DIS3L2: variants seen among roughly 807,000 people sequenced by gnomAD.
The protein encoded by DIS3L2 is DIS3 like 3'-5' exoribonuclease 2, also known as DIS3-like exonuclease 2.
A neutral mutation model predicts 97.5 loss-of-function variants in DIS3L2; 34 were observed. The observed-to-expected ratio is 0.35, with a 90% CI of 0.27 to 0.46. DIS3L2 has a LOEUF of 0.46. DIS3L2 is among the 20% of genes least tolerant of loss of function. The probability of loss-of-function intolerance (pLI) is 1.00; values close to 1 mark genes in which losing one functional copy is unlikely to be tolerated. For synonymous variants in DIS3L2, 435 were observed against 445.2 expected (o/e 0.98, Z 0.29); for missense variants, 1,038 against 1,146.0 (o/e 0.91, Z 1.36).
At chr2:232,340,083 A>G (rs1339682702), downstream of DIS3L2, among the ~76,000 whole-genome samples, 1 of 152,200 alleles carries the variant, frequency 6.6e-6, no homozygotes, top group East Asian at 1.9e-4. Flanking sequence ...CTATAGGCGG[A>G]GAGTGCAGAG....
intron 10 of DIS3L2, among the ~76,000 whole-genome samples, chr2:232,224,402 G>C (rs948366187): frequency 2.6e-5 from 4 of 152,106 alleles, no homozygotes; most frequent in African/African-American, 9.7e-5. Context: ...CACTTCTAAA[G>C]ATAACATAAG....
intron 5 of DIS3L2, among the ~76,000 whole-genome samples, chr2:232,069,557 T>G (rs961536461): frequency 6.6e-6 from 1 of 152,224 alleles, no homozygotes; most frequent in Non-Finnish European, 1.5e-5. Flanking sequence ...TGTAGTTCAC[T>G]TCCTTGCTGT....
At position 232,320,503 on chromosome 2, in the gene DIS3L2, G is replaced by A. The variant is rs979364013; in HGVS notation, c.1740-9310G>A. Among the ~76,000 whole-genome samples the A allele has an allele frequency of 2.8e-4, 43 of 152,176 alleles. 1 individual carries two copies. The highest frequency in any genetic ancestry group is 8.8e-5 in the Non-Finnish European group (6 of 68,034). Reference sequence around the variant, plus strand: ...TGGATTTAAGTGATAACCATATACAGGCAGTAAGAATGTATCGAGGCAAAT... The same window carrying A: ...TGGATTTAAGTGATAACCATATACAAGCAGTAAGAATGTATCGAGGCAAAT... On this transcript the variant is annotated intron_variant, in intron 14 of 20. Transcript: ENST00000325385.
Position 232,276,234 on chromosome 2 carries a change from T to C in DIS3L2, c.1659+12794T>C, listed in dbSNP as rs1016110744. 2.0e-5 allele frequency among the ~76,000 whole-genome samples: 3 copies of C among 152,366 alleles called. No individual in the cohort carries two copies. The South Asian group carries it at 6.2e-4, about 32-fold the overall frequency. On this transcript the variant is annotated intron_variant, in intron 13 of 20. Coordinates refer to ENST00000325385, the MANE Select transcript of DIS3L2 (RefSeq NM_152383.5). The surrounding 1 kb of genome is among the most constrained non-coding windows in gnomAD (Gnocchi z 4.4). ...GCACATTTGAACAGAGAGCTGTGAC[T>C]GAGCTCTGAGAATGCTGGCTTGGCC...
chr2:232,212,153 T>A (rs1692208475), intron 10 of DIS3L2, among the ~76,000 whole-genome samples: 1 of 152,212 alleles, frequency 6.6e-6, no homozygotes, highest in African/African-American at 2.4e-5. Context: ...CTGGCTTGAT[T>A]TCTTACATTC....
chr2:232,329,785 T>TGCCGGGGCC, intron 14 of DIS3L2, 28 bp from the exon 15 acceptor site: 9 of 967,140 alleles, frequency 9.3e-6, no homozygotes, highest in Non-Finnish European at 1.3e-5. Context: ...ACCCCAGCGG[T>TGCCGGGGCC]CCCTCCCATC....
intron 5 of DIS3L2, among the ~76,000 whole-genome samples, chr2:232,059,049 G>A (rs1695627869): frequency 6.6e-6 from 1 of 152,152 alleles, no homozygotes; most frequent in African/African-American, 2.4e-5. Flanking sequence ...TGCTTCTGGG[G>A]TAAAGCATCT....
At chr2:232,067,718 A>G (rs1391672082) in intron 5 of DIS3L2, among the ~76,000 whole-genome samples, 1 of 152,094 alleles carries the variant, frequency 6.6e-6, no homozygotes, top group African/African-American at 2.4e-5. Context: ...GAAAATATCT[A>G]TGATTGGGGA....
intron 1 of DIS3L2, among the ~76,000 whole-genome samples, chr2:231,995,814 A>G (rs1693716265): frequency 6.6e-6 from 1 of 152,208 alleles, no homozygotes; most frequent in Admixed American, 6.5e-5. Context: ...TTTTTCAGAT[A>G]TTGACTCCAC....
rs148394438 is a variant in DIS3L2, at chr2:231,968,033, ATATC to A, written c.-94+6272_-94+6275del. The stretch of plus-strand genomic sequence containing the variant: ...TATCATCACAAACAGGACATTGATC[ATATC>A]TATTATGCCCAAAGCTGTTTTCATA... On this transcript the variant is annotated intron_variant, in intron 1 of 20. Coordinates refer to ENST00000325385, the MANE Select transcript of DIS3L2 (RefSeq NM_152383.5). 0.038 allele frequency among the ~76,000 whole-genome samples: 5,797 copies of A among 151,992 alleles called. 674 individuals carry two copies. The East Asian group carries it at 0.45, about 12-fold the overall frequency.
chr2:232,289,876 G>A (rs1019258069), intron 13 of DIS3L2, among the ~76,000 whole-genome samples: 2 of 152,228 alleles, frequency 1.3e-5, no homozygotes, highest in Middle Eastern at 3.2e-3. Flanking sequence ...CTGAGGGCAG[G>A]ACCACAAGCT....
intron 9 of DIS3L2, among the ~76,000 whole-genome samples, chr2:232,193,804 TC>T (rs1691677098): frequency 1.3e-5 from 2 of 152,190 alleles, no homozygotes; most frequent in Non-Finnish European, 2.9e-5. Context: ...AGCCTTTTTT[TC>T]CAGTGATTGG....
intron 9 of DIS3L2, among the ~76,000 whole-genome samples, chr2:232,182,244 A>G (rs753950737): frequency 2.6e-5 from 4 of 152,020 alleles, no homozygotes; most frequent in African/African-American, 4.8e-5. Context: ...GAATTTCTCT[A>G]ATTTCTTTAT....
chr2:232,155,296 C>T (rs1466632323), intron 8 of DIS3L2, among the ~76,000 whole-genome samples: 3 of 152,134 alleles, frequency 2.0e-5, no homozygotes, highest in African/African-American at 7.2e-5. Context: ...ATATCAGGTC[C>T]ATCACTTCAC....
chr2:231,997,704 A>G (rs1401068993), intron 1 of DIS3L2, among the ~76,000 whole-genome samples: 2 of 152,266 alleles, frequency 1.3e-5, no homozygotes, highest in African/African-American at 4.8e-5. Context: ...AGAGAATGGT[A>G]CAAATAATTA....
chr2:232,336,209 AAC>A (rs1214359286), intron 20 of DIS3L2: 1 of 1,536,250 alleles, frequency 6.5e-7, no homozygotes, highest in Non-Finnish European at 8.8e-7. Context: ...CGTTTTCACC[AAC>A]AGTGTGCCCT....
At chr2:232,333,758 T>TTAAG in intron 16 of DIS3L2, 82 bp from the exon 17 acceptor site, 1 of 1,401,648 alleles carries the variant, frequency 7.1e-7, no homozygotes. Flanking sequence ...CTGCCGACGG[T>TTAAG]GAGGCTGTGG....
At chr2:232,176,566 G>A (rs899957722) in intron 9 of DIS3L2, among the ~76,000 whole-genome samples, 2 of 150,522 alleles carry the variant, frequency 1.3e-5, no homozygotes, top group Non-Finnish European at 3.0e-5. Context: ...TTATGTTATT[G>A]AGTTCAGATC....
intron 14 of DIS3L2, among the ~76,000 whole-genome samples, chr2:232,310,686 T>G (rs1471602261): frequency 6.6e-6 from 1 of 152,146 alleles, no homozygotes; most frequent in Non-Finnish European, 1.5e-5. Context: ...CTGTGCAAGG[T>G]CAAGCTGTAC....
Sources: gnomAD v4.1 joint callset for allele counts (sites outside exome capture counted in the v4.1 genomes callset) on GRCh38, gnomAD v4.1.1 for gene constraint, Gnocchi (gnomAD v3.1) non-coding constraint, MANE v1.5 for transcripts, NCBI Gene and HGNC (gene_info 2026-07-23, HGNC 2026-07-21) for gene names.